ITPR2: variants seen among roughly 807,000 people sequenced by gnomAD.
ITPR2 encodes inositol 1,4,5-trisphosphate receptor type 2, also known as inositol 1,4,5-trisphosphate-gated calcium channel ITPR2.
A neutral mutation model predicts 317.1 loss-of-function variants in ITPR2; 207 were observed. The observed-to-expected ratio is 0.65, with a 90% CI of 0.58 to 0.73. The LOEUF is 0.73. ITPR2 is among the 30% of genes least tolerant of loss of function. The pLI, the probability that ITPR2 is intolerant of heterozygous loss-of-function variation, is 0.00. For missense variants in ITPR2, 2,613 were observed against 3,284.0 expected (o/e 0.80, Z 4.99); for synonymous variants, 1,156 against 1,149.1 (o/e 1.01, Z -0.12).
intron 55 of ITPR2, among the ~76,000 whole-genome samples, chr12:26,350,907 C>T (rs1446369509): frequency 6.6e-6 from 1 of 152,230 alleles, no homozygotes; most frequent in Non-Finnish European, 1.5e-5. Flanking sequence ...GCTACATCTG[C>T]TCATGGTGGG....
Position 26,400,196 on chromosome 12 carries a change from T to G in ITPR2, c.7462A>C (p.Thr2488Pro). The part of the protein sequence containing the change: ...TCDTLLMCIV[T>P]VLNQGLRNGG... ...TTCCTGAGGCCCTGGTTCAGCACGG[T>G]GACAATGCACATAAGGAGAGTGTCA... is the stretch of plus-strand genomic sequence containing the variant. The change falls in exon 53 of 57, where the codon ACC becomes CCC. Residue 2488 changes from threonine to proline, a missense_variant. By Grantham distance (38) the Thr-to-Pro change is conservative (BLOSUM62 -1). Coordinates refer to ENST00000381340, the MANE Select transcript of ITPR2 (RefSeq NM_002223.4). The G allele has an allele frequency of 1.2e-6, 2 of 1,611,672 alleles. No individual in the cohort carries two copies. The highest frequency in any genetic ancestry group is 1.7e-6 in the Non-Finnish European group (2 of 1,178,296).
intron 55 of ITPR2, among the ~76,000 whole-genome samples, chr12:26,354,135 A>G (rs1938562648): frequency 6.6e-6 from 1 of 152,036 alleles, no homozygotes; most frequent in African/African-American, 2.4e-5. Flanking sequence ...TTAGCCAGGC[A>G]TGGTGGCAGG....
chr12:26,592,144 G>A (rs757770212), intron 32 of ITPR2, among the ~76,000 whole-genome samples: 7 of 152,102 alleles, frequency 4.6e-5, no homozygotes, highest in South Asian at 2.1e-4. Flanking sequence ...GAAATAAGCC[G>A]GGCACACAAA....
intron 32 of ITPR2, among the ~76,000 whole-genome samples, chr12:26,588,652 T>C (rs1260578961): frequency 6.6e-6 from 1 of 152,210 alleles, no homozygotes. Context: ...GAGCAAAAAT[T>C]TTAAGTAAAA....
intron 2 of ITPR2, among the ~76,000 whole-genome samples, chr12:26,742,483 T>C (rs898171586): frequency 1.2e-4 from 19 of 152,122 alleles, no homozygotes; most frequent in Non-Finnish European, 2.6e-4. Context: ...AAACAAAATA[T>C]GATATATCCA....
At chr12:26,404,326 G>A (rs1486857353) in intron 52 of ITPR2, among the ~76,000 whole-genome samples, 1 of 152,170 alleles carries the variant, frequency 6.6e-6, no homozygotes, top group Non-Finnish European at 1.5e-5. Context: ...ACTGGTTGTA[G>A]GGTGTTTTGA....
At chr12:26,466,132 G>A (rs897846050) in intron 45 of ITPR2, among the ~76,000 whole-genome samples, 5 of 152,146 alleles carry the variant, frequency 3.3e-5, no homozygotes, top group Non-Finnish European at 5.9e-5. Flanking sequence ...CATAATGGCT[G>A]TTGAATTAAA....
chr12:26,539,257 G>A (rs1944192528), intron 37 of ITPR2, among the ~76,000 whole-genome samples: 1 of 152,170 alleles, frequency 6.6e-6, no homozygotes, highest in African/African-American at 2.4e-5. Context: ...ATTTCATCCT[G>A]TGGCAGGAGA....
chr12:26,673,364 T>C (rs1947833776), intron 13 of ITPR2, among the ~76,000 whole-genome samples: 1 of 152,174 alleles, frequency 6.6e-6, no homozygotes, highest in Non-Finnish European at 1.5e-5. Flanking sequence ...GTGGGCTTCA[T>C]CCCTGGGATG....
intron 55 of ITPR2, among the ~76,000 whole-genome samples, chr12:26,358,577 T>C (rs1938715775): frequency 6.6e-6 from 1 of 152,196 alleles, no homozygotes; most frequent in South Asian, 2.1e-4. Context: ...GTTTTGTGGA[T>C]TAAACTACTT....
chr12:26,512,626 T>C (rs747768315), intron 37 of ITPR2, among the ~76,000 whole-genome samples: 1 of 152,182 alleles, frequency 6.6e-6, no homozygotes, highest in Non-Finnish European at 1.5e-5. Flanking sequence ...CACATATTGA[T>C]TGATGTCTCA....
chr12:26,443,213 C>A (rs186783430), intron 46 of ITPR2, among the ~76,000 whole-genome samples: 115 of 152,212 alleles, frequency 7.6e-4, no homozygotes, highest in Non-Finnish European at 1.3e-3. Flanking sequence ...AAAAAAGAAA[C>A]CTTTTCCTGA....
intron 55 of ITPR2, among the ~76,000 whole-genome samples, chr12:26,354,453 G>C (rs913260218): frequency 6.6e-6 from 1 of 152,052 alleles, no homozygotes. Context: ...CTCAAGGAAG[G>C]GTCCACCACA....
chr12:26,695,498 A>T lies in ITPR2; in HGVS notation c.996+108T>A, dbSNP rs1229442543. On this transcript the variant is annotated intron_variant, in intron 10 of 56. Transcript: ENST00000381340. ...GTGAACCATAGGCTCTACTCAGAAA[A>T]TCTCTCTGAGCCCCTAGTCTTCAAA... The T allele has an allele frequency of 4.5e-6, 4 of 883,710 alleles. No homozygotes were observed. In the African/African-American group the frequency reaches 6.7e-5, roughly 15 times the overall value. The allele number at this position is 883,710 out of a possible 1,614,324, so 54.7% of individuals were successfully genotyped here. A position where few individuals can be genotyped will look rare whatever the true frequency, so the allele number is the denominator to read the frequency against.
At chr12:26,500,310 T>C (rs79017479) in intron 37 of ITPR2, among the ~76,000 whole-genome samples, 3,636 of 152,310 alleles carry the variant, frequency 0.024, 140 homozygotes, top group African/African-American at 0.083. Context: ...AGAGCTATAA[T>C]TGCCATGGCA....
chr12:26,439,030 T>TAAAAAAAAAAAAAAAAAAAA, intron 47 of ITPR2, 97 bp downstream of exon 47: 1 of 783,852 alleles, frequency 1.3e-6, no homozygotes, highest in Non-Finnish European at 2.1e-6. Flanking sequence ...AGCAAGAAAT[T>TAAAAAAAAAAAAAAAAAAAA]AAAAAAACAA....
In ITPR2 at chr12:26,656,401, G is replaced by A. The variant is rs1947368251; in HGVS notation, c.2340C>T (p.Arg780=). ...GGTCAACGTGCATGTGGAGCATGAGGCGACAGAAGGACGCTCGGAGGTCGA... is the reference window on the plus strand; with the variant it reads ...GGTCAACGTGCATGTGGAGCATGAGACGACAGAAGGACGCTCGGAGGTCGA... ...LPFDLRASFC[R]LMLHMHVDRD... Residue 780 remains arginine, a synonymous_variant, in exon 19 of 57, where the codon CGC becomes CGT. Coordinates refer to ENST00000381340, the MANE Select transcript of ITPR2 (RefSeq NM_002223.4). 4 of 1,614,192 alleles carry A rather than the reference G, an allele frequency of 2.5e-6. No individual in the cohort carries two copies. The highest frequency in any genetic ancestry group is 4.5e-5 in the East Asian group (2 of 44,882).
intron 1 of ITPR2, among the ~76,000 whole-genome samples, chr12:26,823,333 G>C (rs1191057286): frequency 6.6e-6 from 1 of 152,060 alleles, no homozygotes; most frequent in African/African-American, 2.4e-5. Flanking sequence ...ATCCATTCCT[G>C]ACCTTGCAAC....
chr12:26,673,561 A>G (rs977994286), intron 13 of ITPR2, among the ~76,000 whole-genome samples: 2 of 151,446 alleles, frequency 1.3e-5, no homozygotes, highest in African/African-American at 4.8e-5. Flanking sequence ...AATAAGAGCT[A>G]TCTATGACAA....
Sources: gnomAD v4.1 joint callset for allele counts (sites outside exome capture counted in the v4.1 genomes callset) on GRCh38, gnomAD v4.1.1 for gene constraint, MANE v1.5 for transcripts, NCBI Gene and HGNC (gene_info 2026-07-23, HGNC 2026-07-21) for gene names.